RIMKLA: variants seen among roughly 807,000 people sequenced by gnomAD.
RIMKLA encodes the protein ribosomal modification protein rimK like family member A.
RIMKLA carries 14 observed loss-of-function variants against 32.7 expected under a neutral mutation model. That is an observed-to-expected ratio of 0.43 (90% CI 0.28 to 0.67). The LOEUF is 0.67. Ranked by LOEUF, RIMKLA falls within the 30% of genes least tolerant of loss-of-function variation. The probability of loss-of-function intolerance (pLI) is 0.18; values close to 1 mark genes in which losing one functional copy is unlikely to be tolerated. For missense variants in RIMKLA, 410 were observed against 519.0 expected, an observed-to-expected ratio of 0.79 and a Z score of 2.04; for synonymous variants, 176 against 204.1, an observed-to-expected ratio of 0.86 and a Z score of 1.18.
At position 42,418,016 on chromosome 1, in the gene RIMKLA, T is replaced by C. The variant is rs1314715290; in HGVS notation, c.*3042T>C. 6.6e-6 allele frequency: 1 copy of C among 151,828 alleles called. No individual in the cohort carries two copies. Among genetic ancestry groups the C allele is most frequent in the Non-Finnish European group, 1.5e-5 (1 of 68,004 alleles). The allele number at this position is 151,828 out of a possible 1,614,324, so 9.4% of individuals were successfully genotyped here. A position where few individuals can be genotyped will look rare whatever the true frequency, so the allele number is the denominator to read the frequency against. On this transcript the variant is annotated 3_prime_UTR_variant, in exon 5 of 5. Coordinates refer to ENST00000431473, the MANE Select transcript of RIMKLA (RefSeq NM_173642.4). ...GGGTACCCTGAGAAAGGAATGCAGC[T>C]TCTCAGAGGCCTCACTTCCAGCCAG...
At chr1:42,382,140 A>G (rs1642894904) in intron 1 of RIMKLA, among the ~76,000 whole-genome samples, 1 of 152,234 alleles carries the variant, frequency 6.6e-6, no homozygotes, top group Admixed American at 6.5e-5. Flanking sequence ...AGTGGAATAT[A>G]TCTGTTATAG....
intron 1 of RIMKLA, among the ~76,000 whole-genome samples, chr1:42,395,832 T>C (rs957004921): frequency 3.3e-5 from 5 of 152,232 alleles, no homozygotes; most frequent in African/African-American, 1.2e-4. Context: ...TGTGTATAAC[T>C]GTTGCTCCCA....
chr1:42,404,515 G>T lies in RIMKLA; in HGVS notation c.399G>T (p.Gly133=). 6.2e-7 allele frequency: 1 copy of T among 1,611,332 alleles called. No homozygotes were observed. The highest frequency in any genetic ancestry group is 8.5e-7 in the Non-Finnish European group (1 of 1,177,694). The change falls in exon 3 of 5, where the codon GGG becomes GGT. Residue 133 remains glycine, a synonymous_variant. Coordinates refer to ENST00000431473, the MANE Select transcript of RIMKLA (RefSeq NM_173642.4). ...VPMPDTFSYG[G]HEDFSKMIDE... ...ACTTTCACCTTTTCTTGGCAGGTGG[G>T]CATGAAGACTTTTCAAAAATGATTG...
chr1:42,409,954 C>T, intron 3 of RIMKLA, 30 bp from the exon 4 acceptor site: 1 of 1,570,968 alleles, frequency 6.4e-7, no homozygotes, highest in Non-Finnish European at 8.8e-7. Flanking sequence ...GCTTCTCTAA[C>T]CCCTTCTCTT....
At chr1:42,382,586 CTTAT>C (rs1444559672) in intron 1 of RIMKLA, among the ~76,000 whole-genome samples, 2 of 152,120 alleles carry the variant, frequency 1.3e-5, no homozygotes, top group East Asian at 1.9e-4. Context: ...GAACTTTTTG[CTTAT>C]TTATTTTACA....
At chr1:42,406,145 T>C (rs1643145945) in intron 3 of RIMKLA, among the ~76,000 whole-genome samples, 1 of 152,090 alleles carries the variant, frequency 6.6e-6, no homozygotes, top group African/African-American at 2.4e-5. Flanking sequence ...TGCCCTCGAG[T>C]AGCTTACGTT....
Position 42,418,256 on chromosome 1 carries a change from C to G in RIMKLA, c.*3282C>G, listed in dbSNP as rs1249060972. ...CTTGAATGCCAATAGCTCAGTCACT[C>G]AGAATATACGATTCTGCACTTGGGA... On this transcript the variant is annotated 3_prime_UTR_variant, in exon 5 of 5. Transcript: ENST00000431473. The G allele has an allele frequency of 2.0e-5, 3 of 152,218 alleles. No individual in the cohort carries two copies. The East Asian group carries it at 5.8e-4, about 29-fold the overall frequency. The allele number at this position is 152,218 out of a possible 1,614,324, so 9.4% of individuals were successfully genotyped here. A position where few individuals can be genotyped will look rare whatever the true frequency, so the allele number is the denominator to read the frequency against.
Position 42,399,653 on chromosome 1 carries a change from G to A in RIMKLA, c.394+19G>A. On this transcript the variant is annotated intron_variant, in intron 2 of 4. Coordinates refer to ENST00000431473, the MANE Select transcript of RIMKLA (RefSeq NM_173642.4). ...TCCTATGGTGAGTCAGCTTGAAATA[G>A]CTTCCCAAATCATGTGCATCTCTGT... The A allele has an allele frequency of 2.7e-6, 4 of 1,464,492 alleles. No homozygotes were observed. Among genetic ancestry groups the A allele is most frequent in the Non-Finnish European group, 9.5e-7 (1 of 1,056,162 alleles). The allele number at this position is 1,464,492 out of a possible 1,614,324, so 90.7% of individuals were successfully genotyped here. A position where few individuals can be genotyped will look rare whatever the true frequency, so the allele number is the denominator to read the frequency against.
At chr1:42,412,689 C>A in intron 4 of RIMKLA, 1 of 469,668 alleles carries the variant, frequency 2.1e-6, no homozygotes, top group Non-Finnish European at 4.2e-6. Flanking sequence ...CAGTTAGAAA[C>A]CAGATGATGA....
chr1:42,411,078 C>T (rs1180984725), intron 4 of RIMKLA, among the ~76,000 whole-genome samples: 4 of 152,102 alleles, frequency 2.6e-5, no homozygotes, highest in Non-Finnish European at 5.9e-5. Flanking sequence ...GCCTGTAATC[C>T]CAGCATTTTG....
chr1:42,381,833 C>T (rs1182312511), intron 1 of RIMKLA, among the ~76,000 whole-genome samples: 1 of 152,110 alleles, frequency 6.6e-6, no homozygotes, highest in Non-Finnish European at 1.5e-5. Flanking sequence ...ATTATTTTTT[C>T]GTATATCCTT....
intron 1 of RIMKLA, among the ~76,000 whole-genome samples, chr1:42,390,344 C>T (rs1260519056): frequency 6.6e-6 from 1 of 152,090 alleles, no homozygotes; most frequent in African/African-American, 2.4e-5. Flanking sequence ...AGCTGAGAGG[C>T]TTTTCATAAA....
chr1:42,414,596 T>C lies in RIMKLA; in HGVS notation c.798T>C (p.Asp266=). 6.2e-7 allele frequency: 1 copy of C among 1,614,260 alleles called. No homozygotes were observed. The highest frequency in any genetic ancestry group is 1.3e-5 in the African/African-American group (1 of 75,080). ...GCATTGATCTCCTTATCATGGACGA[T>C]GGCTCCTTTGTGGTGTGTGAGGCAA... ...FCGIDLLIMD[D]GSFVVCEANA... Residue 266 remains aspartate, a synonymous_variant, in exon 5 of 5, where the codon GAT becomes GAC. Coordinates refer to ENST00000431473, the MANE Select transcript of RIMKLA (RefSeq NM_173642.4).
chr1:42,404,558 G>A lies in RIMKLA; in HGVS notation c.442G>A (p.Gly148Ser). The change falls in exon 3 of 5, where the codon GGC (glycine) becomes AGC (serine). Residue 148 changes from glycine to serine, a missense_variant. Coordinates refer to ENST00000431473, the MANE Select transcript of RIMKLA (RefSeq NM_173642.4). ...AATGATTGATGAAGCTGAGCCCCTG[G>A]GCTACCCAGTCGTGGTGAAGAGCAC... is the stretch of plus-strand genomic sequence containing the variant. ...SKMIDEAEPL[G>S]YPVVVKSTRG... is the part of the protein sequence containing the mutation. 1.2e-6 allele frequency: 2 copies of A among 1,613,702 alleles called. No individual in the cohort carries two copies. The highest frequency in any genetic ancestry group is 1.7e-4 in the Middle Eastern group (1 of 6,052).
chr1:42,409,751 T>C (rs1414102656), intron 3 of RIMKLA, among the ~76,000 whole-genome samples: 1 of 152,204 alleles, frequency 6.6e-6, no homozygotes, highest in African/African-American at 2.4e-5. Context: ...CATTAAGTCA[T>C]TTCAAAAAGA....
intron 4 of RIMKLA, among the ~76,000 whole-genome samples, chr1:42,410,670 T>G (rs537505446): frequency 3.3e-5 from 5 of 152,364 alleles, no homozygotes; most frequent in African/African-American, 1.2e-4. Flanking sequence ...CTACAGTTTA[T>G]GCTTTGGTCG....
intron 2 of RIMKLA, among the ~76,000 whole-genome samples, chr1:42,401,205 TG>T (rs1643094251): frequency 6.6e-6 from 1 of 152,132 alleles, no homozygotes. Context: ...ATGCCGCCAC[TG>T]ATCTGACAGG....
intron 4 of RIMKLA, among the ~76,000 whole-genome samples, chr1:42,411,732 G>GGCACAATCTCA (rs1553177393): frequency 6.6e-6 from 1 of 150,474 alleles, no homozygotes; most frequent in Admixed American, 6.6e-5. Flanking sequence ...GGAGTGCAGT[G>GGCACAATCTCA]GCACAATCTC....
At chr1:42,384,650 AG>A (rs1484505522) in intron 1 of RIMKLA, among the ~76,000 whole-genome samples, 17 of 139,124 alleles carry the variant, frequency 1.2e-4, no homozygotes, top group African/African-American at 4.3e-4. Context: ...ATATATATAT[AG>A]TGTTTATTCT....
Sources: gnomAD v4.1 joint callset for allele counts (sites outside exome capture counted in the v4.1 genomes callset) on GRCh38, gnomAD v4.1.1 for gene constraint, MANE v1.5 for transcripts, NCBI Gene and HGNC (gene_info 2026-07-23, HGNC 2026-07-21) for gene names.